Variants in MRTFA observed in about 807,000 individuals in gnomAD.
The protein encoded by MRTFA is myocardin-related transcription factor A.
Under a neutral mutation model 83.5 loss-of-function variants are expected in MRTFA, and 20 were observed. That is an observed-to-expected ratio of 0.24 (90% CI 0.17 to 0.35). The LOEUF (loss-of-function observed/expected upper bound fraction) is 0.35, where lower values mean the gene tolerates loss of function less well. Ranked by LOEUF, MRTFA falls within the 10% of genes least tolerant of loss-of-function variation. MRTFA has a pLI of 1.00. For missense variants in MRTFA, 1,200 were observed against 1,224.7 expected, an observed-to-expected ratio of 0.98 and a Z score of 0.30; for synonymous variants, 659 against 541.2, an observed-to-expected ratio of 1.22 and a Z score of -3.02.
intron 3 of MRTFA, among the ~76,000 whole-genome samples, chr22:40,465,351 TACAA>T (rs1240420710): frequency 5.9e-5 from 9 of 152,172 alleles, no homozygotes; most frequent in East Asian, 1.9e-4. Context: ...AAAAGGATGT[TACAA>T]ACAGTCTGAG....
chr22:40,472,872 GA>G (rs1169246353), intron 3 of MRTFA, among the ~76,000 whole-genome samples: 2 of 152,130 alleles, frequency 1.3e-5, no homozygotes, highest in African/African-American at 2.4e-5. Flanking sequence ...AGTGAAAATG[GA>G]CCCCCAAGCT....
At chr22:40,636,062 C>T (rs1363438692) in intron 1 of MRTFA, among the ~76,000 whole-genome samples, 1 of 152,232 alleles carries the variant, frequency 6.6e-6, no homozygotes, top group Non-Finnish European at 1.5e-5. Flanking sequence ...GCTGAGCCTC[C>T]TTGCCTGGGA....
intron 3 of MRTFA, among the ~76,000 whole-genome samples, chr22:40,494,271 T>C (rs1249717683): frequency 1.3e-5 from 2 of 152,198 alleles, no homozygotes; most frequent in African/African-American, 4.8e-5. Flanking sequence ...ATATTAATTG[T>C]AATTAACATG....
chr22:40,422,111 G>C (rs940640827), intron 9 of MRTFA, among the ~76,000 whole-genome samples: 50 of 151,398 alleles, frequency 3.3e-4, no homozygotes, highest in African/African-American at 1.1e-3. Flanking sequence ...GCACAGGCTG[G>C]GGAGCAGGAA....
At chr22:40,587,228 T>C (rs751565549) in intron 2 of MRTFA, 65 of 474,464 alleles carry the variant, frequency 1.4e-4, no homozygotes, top group Non-Finnish European at 2.2e-4. Flanking sequence ...TGCCACACAA[T>C]TGTCTAACTT....
chr22:40,539,064 G>C (rs1427545212), intron 3 of MRTFA, among the ~76,000 whole-genome samples: 1 of 134,632 alleles, frequency 7.4e-6, no homozygotes, highest in Non-Finnish European at 1.5e-5. Flanking sequence ...GCACAATCTC[G>C]GCTCACTGCA....
chr22:40,421,064 G>T lies in MRTFA; in HGVS notation c.964C>A (p.Arg322Ser). The change falls in exon 10 of 15, where the codon CGC becomes AGC. Residue 322 changes from arginine to serine, a missense_variant. Arg to Ser is a moderately radical substitution (Grantham distance 110). This residue lies in a region of MRTFA where 1,107 missense variants were observed against 1,041.8 expected (regional missense o/e 1.06). Transcript: ENST00000355630. ...TTCAGCTCCTTGGCCTTCTTGCTGC[G>T]CTGTGACTTCTCACTGGCAGACTTG... 6.5e-7 allele frequency: 1 copy of T among 1,546,286 alleles called. No homozygotes were observed. The highest frequency in any genetic ancestry group is 1.4e-5 in the African/African-American group (1 of 73,146).
intron 3 of MRTFA, among the ~76,000 whole-genome samples, chr22:40,493,316 T>G (rs2054299594): frequency 6.6e-6 from 1 of 152,196 alleles, no homozygotes; most frequent in Non-Finnish European, 1.5e-5. Context: ...ACTTGAAAGC[T>G]AAGCGAGGCA....
chr22:40,430,152 T>A (rs942255875), intron 6 of MRTFA, among the ~76,000 whole-genome samples: 3 of 152,114 alleles, frequency 2.0e-5, no homozygotes, highest in African/African-American at 7.2e-5. Flanking sequence ...AATGTGAGAC[T>A]CAGACTAGAA....
At position 40,417,464 on chromosome 22, in the gene MRTFA, A is replaced by G. The variant is rs1384817403; in HGVS notation, c.2394T>C (p.Pro798=). Residue 798 remains proline, a synonymous_variant, in exon 13 of 15, where the codon CCT becomes CCC. Coordinates refer to ENST00000355630, the MANE Select transcript of MRTFA (RefSeq NM_020831.6). ...CCAGGTCCATCTGGGCAGAGGGGGC[A>G]GGCGCTGGAGAGCCAGGCTGGGACG... is the stretch of plus-strand genomic sequence containing the variant. The G allele has an allele frequency of 1.9e-6, 3 of 1,569,240 alleles. No homozygotes were observed. The Admixed American group carries it at 5.4e-5, about 28-fold the overall frequency.
At chr22:40,484,031 T>C (rs1439334304) in intron 3 of MRTFA, among the ~76,000 whole-genome samples, 1 of 151,938 alleles carries the variant, frequency 6.6e-6, no homozygotes, top group East Asian at 1.9e-4. Flanking sequence ...CCCTTTTCTA[T>C]GGGAAGCAGT....
At chr22:40,600,790 C>T (rs932332809) in intron 1 of MRTFA, among the ~76,000 whole-genome samples, 1 of 152,120 alleles carries the variant, frequency 6.6e-6, no homozygotes, top group African/African-American at 2.4e-5. Context: ...CCAGCCTGGC[C>T]AACGTAGTGA....
intron 2 of MRTFA, among the ~76,000 whole-genome samples, chr22:40,553,054 CAA>C (rs1343066046): frequency 6.6e-6 from 1 of 152,168 alleles, no homozygotes; most frequent in Admixed American, 6.5e-5. Flanking sequence ...CATGCTTTAG[CAA>C]AGAGACTGGT....
At position 40,418,706 on chromosome 22, in the gene MRTFA, C is replaced by T; in HGVS notation, c.2032G>A (p.Glu678Lys). 1.4e-6 allele frequency: 2 copies of T among 1,477,086 alleles called. No homozygotes were observed. The highest frequency in any genetic ancestry group is 1.8e-6 in the Non-Finnish European group (2 of 1,121,114). The allele number at this position is 1,477,086 out of a possible 1,614,324, so 91.5% of individuals were successfully genotyped here. The change falls in exon 12 of 15, where the codon GAG becomes AAG. Residue 678 changes from glutamate to lysine, a missense_variant. Physicochemically the swap from Glu to Lys is moderately conservative, Grantham distance 56. This residue lies in a region of MRTFA where 1,107 missense variants were observed against 1,041.8 expected (regional missense o/e 1.06). Transcript: ENST00000355630. The stretch of plus-strand genomic sequence containing the variant: ...AGCTGGCAGCTGGAGAAGCTGTTCT[C>T]CTGCTTCACGGGGGTGCCGAGGGGG...
At chr22:40,548,583 G>A (rs993594347) in intron 3 of MRTFA, among the ~76,000 whole-genome samples, 5 of 151,972 alleles carry the variant, frequency 3.3e-5, no homozygotes, top group African/African-American at 7.3e-5. Flanking sequence ...ATTTAAGGCC[G>A]GGCCTGGTGG....
chr22:40,503,415 T>C (rs1264615538), intron 3 of MRTFA, among the ~76,000 whole-genome samples: 2 of 152,192 alleles, frequency 1.3e-5, no homozygotes, highest in Non-Finnish European at 2.9e-5. Flanking sequence ...TTTGCCAAGT[T>C]GGCTGGGATG....
chr22:40,424,884 GC>G (rs2052921105), intron 7 of MRTFA, among the ~76,000 whole-genome samples: 1 of 152,194 alleles, frequency 6.6e-6, no homozygotes, highest in Admixed American at 6.5e-5. Flanking sequence ...CTGGGTAACA[GC>G]CCTGTGAGTG....
At chr22:40,502,132 G>C (rs2054495922) in intron 3 of MRTFA, among the ~76,000 whole-genome samples, 2 of 144,030 alleles carry the variant, frequency 1.4e-5, no homozygotes, top group Non-Finnish European at 3.1e-5. Flanking sequence ...TCACCTCCCG[G>C]ACGGGGCGGC....
chr22:40,425,698 T>C (rs980970110), intron 7 of MRTFA, among the ~76,000 whole-genome samples: 2 of 152,182 alleles, frequency 1.3e-5, no homozygotes, highest in African/African-American at 4.8e-5. Context: ...CACGGCTAGA[T>C]TTCCCCCACA....
Sources: gnomAD v4.1 joint callset for allele counts (sites outside exome capture counted in the v4.1 genomes callset) on GRCh38, gnomAD v4.1.1 for gene constraint, gnomAD v4.1.1 regional missense constraint, MANE v1.5 for transcripts, NCBI Gene and HGNC (gene_info 2026-07-23, HGNC 2026-07-21) for gene names.